The following MEF2C variants were observed in gnomAD, a reference collection of about 807,000 sequenced individuals.
MEF2C encodes the protein myocyte enhancer factor 2C, also known as myocyte-specific enhancer factor 2C.
In MEF2C, 6 loss-of-function variants were observed where a neutral mutation model predicts 50.5. The observed-to-expected ratio is 0.12, with a 90% confidence interval of 0.07 to 0.23. The LOEUF (loss-of-function observed/expected upper bound fraction) is 0.23. MEF2C is among the 10% of genes least tolerant of loss of function. The probability of loss-of-function intolerance (pLI) is 1.00; values close to 1 mark genes in which losing one functional copy is unlikely to be tolerated. For missense variants in MEF2C, 276 were observed against 605.0 expected, an observed-to-expected ratio of 0.46 and a Z score of 5.70; for synonymous variants, 183 against 228.0, an observed-to-expected ratio of 0.80 and a Z score of 1.78.
Position 88,883,178 on chromosome 5 carries a change from T to G in MEF2C, c.-366A>C, listed in dbSNP as rs970010071. On this transcript the variant is annotated 5_prime_UTR_variant, in exon 1 of 11. Transcript: ENST00000504921. ...GTGTACGCGTGTGCTCAAGTGTCTG[T>G]GACTGCGAGCAGAGCGAGCAGAGAG... 1 of 146,252 alleles carries G rather than the reference T, an allele frequency of 6.8e-6. No homozygotes were observed. Among genetic ancestry groups the G allele is most frequent in the Non-Finnish European group, 1.5e-5 (1 of 66,322 alleles). The allele number at this position is 146,252 out of a possible 1,614,324, so 9.1% of individuals were successfully genotyped here.
intron 4 of MEF2C, among the ~76,000 whole-genome samples, chr5:88,754,467 A>G (rs1774332572): frequency 6.6e-6 from 1 of 152,162 alleles, no homozygotes; most frequent in Non-Finnish European, 1.5e-5. Context: ...ATTACCCTTT[A>G]GAGTTTGCCA....
chr5:88,733,178 T>C, intron 6 of MEF2C: 1 of 985,118 alleles, frequency 1.0e-6, no homozygotes, highest in Non-Finnish European at 1.2e-6. Flanking sequence ...AGGCAGGAAT[T>C]GATGAGGGCC....
At chr5:88,896,829 TCTTC>T (rs960965601) in intron 1 of MEF2C, among the ~76,000 whole-genome samples, 1 of 152,152 alleles carries the variant, frequency 6.6e-6, no homozygotes, top group African/African-American at 2.4e-5. Context: ...TAACTTCCTT[TCTTC>T]CTTCCATCTG....
At chr5:88,845,070 CAATA>C (rs1424698504) in intron 1 of MEF2C, among the ~76,000 whole-genome samples, 2 of 152,176 alleles carry the variant, frequency 1.3e-5, no homozygotes, top group African/African-American at 2.4e-5. Flanking sequence ...TAATACTTTA[CAATA>C]GATAGGATAC....
chr5:88,894,296 C>G (rs1834888825), intron 1 of MEF2C, among the ~76,000 whole-genome samples: 2 of 152,196 alleles, frequency 1.3e-5, no homozygotes, highest in South Asian at 4.1e-4. Flanking sequence ...GTTTCCAATA[C>G]TCTACCCTTA....
chr5:88,860,546 CTTAGG>C (rs2153421795), intron 1 of MEF2C, among the ~76,000 whole-genome samples: 1 of 152,124 alleles, frequency 6.6e-6, no homozygotes, highest in South Asian at 2.1e-4. Context: ...TTCAGACAGT[CTTAGG>C]TTATGTCTGT....
At chr5:88,832,313 A>T (rs569088509) in intron 1 of MEF2C, among the ~76,000 whole-genome samples, 1 of 152,230 alleles carries the variant, frequency 6.6e-6, no homozygotes, top group African/African-American at 2.4e-5. Context: ...TTTAATAGAA[A>T]TTCTCTGCAT....
At chr5:88,850,196 T>G (rs1820825930) in intron 1 of MEF2C, among the ~76,000 whole-genome samples, 1 of 152,198 alleles carries the variant, frequency 6.6e-6, no homozygotes, top group African/African-American at 2.4e-5. Context: ...TTTGGTTTTT[T>G]GTCCTCAAAG....
Position 88,803,648 on chromosome 5 carries a change from C to T in MEF2C, c.258+950G>A, listed in dbSNP as rs1275474129. ...CAGATGGGAACCATCCTTATTATAC[C>T]TCTTCCTTTGTTTTGTAGTCTTAAT... On this transcript the variant is annotated intron_variant, in intron 3 of 10. Transcript: ENST00000504921. Among the ~76,000 whole-genome samples, 3 of 152,160 alleles carry T rather than the reference C, an allele frequency of 2.0e-5. No individual in the cohort carries two copies. The East Asian group carries it at 5.8e-4, about 29-fold the overall frequency.
rs561002697 is a variant in MEF2C at position 88,735,002 on chromosome 5, C to T, written c.638-3101G>A. On this transcript the variant is annotated intron_variant, in intron 6 of 10. Coordinates refer to ENST00000504921, the MANE Select transcript of MEF2C (RefSeq NM_002397.5). ...ATTGTGCCAGCTAGCATTTTGGAGC[C>T]GTATAATAACCATTTCTGTTTCCAG... 8.2e-5 allele frequency: 81 copies of T among 985,220 alleles called. No homozygotes were observed. In the African/African-American group the frequency reaches 1.3e-3, roughly 15 times the overall value. 61.0% of individuals were successfully genotyped at this position (985,220 alleles called of 1,614,324 possible). A position where few individuals can be genotyped will look rare whatever the true frequency, so the allele number is the denominator to read the frequency against.
At chr5:88,779,821 A>C (rs1460391508) in intron 3 of MEF2C, among the ~76,000 whole-genome samples, 1 of 151,652 alleles carries the variant, frequency 6.6e-6, no homozygotes, top group Non-Finnish European at 1.5e-5. Context: ...ATGGAAAACA[A>C]ATTTCTTCCC....
chr5:88,760,994 T>G, intron 4 of MEF2C, 191 bp downstream of exon 4: 1 of 1,606,546 alleles, frequency 6.2e-7, no homozygotes, highest in Non-Finnish European at 8.5e-7. Context: ...TTACAGGAAT[T>G]TTATGACTCT....
At chr5:88,827,780 A>C (rs2153226920) in intron 1 of MEF2C, among the ~76,000 whole-genome samples, 1 of 152,058 alleles carries the variant, frequency 6.6e-6, no homozygotes, top group South Asian at 2.1e-4. Context: ...TTTGAGGCAA[A>C]TGAAAAATAT....
Position 88,764,167 on chromosome 5 carries a change from C to T in MEF2C, c.259-2839G>A, listed in dbSNP as rs566969490. Reference sequence around the variant, plus strand: ...GTCATTACAATCCATCTGGCACATACATGTGTGCTAAATATTCTCACAAAG... The same window carrying T: ...GTCATTACAATCCATCTGGCACATATATGTGTGCTAAATATTCTCACAAAG... On this transcript the variant is annotated intron_variant, in intron 3 of 10. Coordinates refer to ENST00000504921, the MANE Select transcript of MEF2C (RefSeq NM_002397.5). Among the ~76,000 whole-genome samples, 4 of 152,326 alleles carry T rather than the reference C, an allele frequency of 2.6e-5. No individual in the cohort carries two copies. The South Asian group carries it at 6.2e-4, about 24-fold the overall frequency.
chr5:88,777,634 T>C (rs1441658855), intron 3 of MEF2C, among the ~76,000 whole-genome samples: 2 of 152,254 alleles, frequency 1.3e-5, no homozygotes, highest in East Asian at 3.8e-4. Flanking sequence ...ATTGGTGAAA[T>C]GACTGACAAA....
intron 1 of MEF2C, among the ~76,000 whole-genome samples, chr5:88,831,109 TATATC>T (rs756289771): frequency 2.4e-4 from 37 of 152,142 alleles, no homozygotes; most frequent in Admixed American, 6.6e-4. Flanking sequence ...TCATCTTTAA[TATATC>T]ATATTTCACG....
At chr5:88,760,865 G>A (rs1195023297) in intron 4 of MEF2C, 2 of 1,066,306 alleles carry the variant, frequency 1.9e-6, no homozygotes, top group Non-Finnish European at 2.7e-6. Flanking sequence ...CTGCCCGTGG[G>A]ATGAGATGGC....
intron 3 of MEF2C, among the ~76,000 whole-genome samples, chr5:88,786,059 G>C (rs1020773654): frequency 6.6e-6 from 1 of 151,896 alleles, no homozygotes; most frequent in Non-Finnish European, 1.5e-5. Flanking sequence ...TAGTTAAGCA[G>C]TTTTCTATTT....
intron 2 of MEF2C, among the ~76,000 whole-genome samples, chr5:88,810,621 A>G (rs2153114356): frequency 6.6e-6 from 1 of 152,290 alleles, no homozygotes. Context: ...GCACAATTTG[A>G]GACTGGATGG....
Sources: gnomAD v4.1 joint callset for allele counts (sites outside exome capture counted in the v4.1 genomes callset) on GRCh38, gnomAD v4.1.1 for gene constraint, MANE v1.5 for transcripts, NCBI Gene and HGNC (gene_info 2026-07-23, HGNC 2026-07-21) for gene names.